RTKN2: variants seen among roughly 807,000 people sequenced by gnomAD.
RTKN2 encodes rhotekin-2.
RTKN2 carries 69 observed loss-of-function variants against 71.5 expected under a neutral mutation model. The ratio of observed to expected loss-of-function variants is 0.96; its 90% CI spans 0.79 to 1.18. The LOEUF (loss-of-function observed/expected upper bound fraction) is 1.18. Ranked by LOEUF, RTKN2 falls within the 50% of genes most tolerant of loss-of-function variation. RTKN2 has a pLI of 0.00. For missense variants in RTKN2, 724 were observed against 719.7 expected (o/e 1.01, Z -0.07); for synonymous variants, 236 against 236.5 (o/e 1.00, Z 0.02).
intron 2 of RTKN2, among the ~76,000 whole-genome samples, chr10:62,250,569 T>C (rs1842561710): frequency 6.6e-6 from 1 of 152,200 alleles, no homozygotes; most frequent in South Asian, 2.1e-4. Context: ...TTGTCCAGAG[T>C]AAACTGCAGT....
intron 10 of RTKN2, among the ~76,000 whole-genome samples, chr10:62,201,070 A>G (rs76336438): frequency 6.6e-6 from 1 of 152,142 alleles, no homozygotes; most frequent in African/African-American, 2.4e-5. Context: ...GCTAGTTCCT[A>G]CGTATCTGTA....
chr10:62,191,386 C>A (rs1225380323), downstream of RTKN2, among the ~76,000 whole-genome samples: 1 of 152,208 alleles, frequency 6.6e-6, no homozygotes. Flanking sequence ...CTCCAGCAAT[C>A]TGCCTGCCTT....
intron 1 of RTKN2, among the ~76,000 whole-genome samples, chr10:62,263,750 C>A (rs1468486682): frequency 6.6e-6 from 1 of 152,116 alleles, no homozygotes; most frequent in African/African-American, 2.4e-5. Context: ...ATGTCAGAAG[C>A]CTTAGCTATC....
At chr10:62,241,256 T>C in intron 3 of RTKN2, 61 bp from the exon 4 acceptor site, 1 of 961,966 alleles carries the variant, frequency 1.0e-6, no homozygotes. Flanking sequence ...TTCTTTACAG[T>C]GACCTGAACC....
At chr10:62,223,911 C>T (rs1322792141) in intron 6 of RTKN2, among the ~76,000 whole-genome samples, 1 of 152,006 alleles carries the variant, frequency 6.6e-6, no homozygotes, top group Non-Finnish European at 1.5e-5. Context: ...GTAGAAGAAA[C>T]CCAAGTGTCT....
chr10:62,223,957 G>GGT (rs1057254700), intron 6 of RTKN2, among the ~76,000 whole-genome samples: 15 of 75,146 alleles, frequency 2.0e-4, no homozygotes, highest in East Asian at 2.0e-3. Context: ...ATGTGGGGTA[G>GGT]GTGTGTGTGT....
chr10:62,195,752 T>C lies in RTKN2; in HGVS notation c.*2156A>G. 1.0e-6 allele frequency: 1 copy of C among 985,316 alleles called. No individual in the cohort carries two copies. The highest frequency in any genetic ancestry group is 1.2e-6 in the Non-Finnish European group (1 of 829,918). The allele number at this position is 985,316 out of a possible 1,614,324, so 61.0% of individuals were successfully genotyped here. ...AGGAGCTGAAGACACCAGACCCATTTCAAAGACTTGTAACATACAGTAAGC... is the reference window on the plus strand; with the variant it reads ...AGGAGCTGAAGACACCAGACCCATTCCAAAGACTTGTAACATACAGTAAGC... On this transcript the variant is annotated 3_prime_UTR_variant, in exon 12 of 12. Coordinates refer to ENST00000373789, the MANE Select transcript of RTKN2 (RefSeq NM_145307.4).
chr10:62,215,963 T>C (rs999619067), intron 9 of RTKN2, among the ~76,000 whole-genome samples: 1 of 152,024 alleles, frequency 6.6e-6, no homozygotes, highest in Admixed American at 6.6e-5. Context: ...TGATGTATTA[T>C]GTCCTTGATT....
chr10:62,241,252 A>T, intron 3 of RTKN2, 57 bp from the exon 4 acceptor site: 1 of 1,020,538 alleles, frequency 9.8e-7, no homozygotes, highest in South Asian at 1.4e-5. Flanking sequence ...TTTATTCTTT[A>T]CAGTGACCTG....
intron 2 of RTKN2, among the ~76,000 whole-genome samples, chr10:62,260,028 AT>A (rs985153219): frequency 1.3e-5 from 2 of 152,146 alleles, no homozygotes; most frequent in Non-Finnish European, 2.9e-5. Context: ...GTCTATACTT[AT>A]TTTTTGACAT....
intron 8 of RTKN2, among the ~76,000 whole-genome samples, chr10:62,184,846 A>C (rs1841109590): frequency 6.6e-6 from 1 of 152,348 alleles, no homozygotes; most frequent in South Asian, 2.1e-4. Context: ...CTAAGTAAAG[A>C]AAAAAACAGG....
chr10:62,217,980 C>T (rs1029768251), intron 8 of RTKN2, among the ~76,000 whole-genome samples: 9 of 152,082 alleles, frequency 5.9e-5, no homozygotes, highest in East Asian at 1.9e-4. Context: ...GGAGAGGTAG[C>T]GCCTTAGCCA....
chr10:62,224,039 T>C (rs1564511943), intron 6 of RTKN2, among the ~76,000 whole-genome samples: 1 of 152,164 alleles, frequency 6.6e-6, no homozygotes. Flanking sequence ...AATTCTGACA[T>C]ACTACGACAT....
chr10:62,249,378 G>C (rs907535536), intron 2 of RTKN2, among the ~76,000 whole-genome samples: 3 of 151,468 alleles, frequency 2.0e-5, no homozygotes, highest in Non-Finnish European at 4.4e-5. Flanking sequence ...AGGGGTTGCG[G>C]GGTTGGGGGG....
intron 9 of RTKN2, among the ~76,000 whole-genome samples, chr10:62,208,857 T>C (rs181022412): frequency 1.5e-3 from 230 of 152,320 alleles, no homozygotes; most frequent in African/African-American, 5.1e-3. Context: ...TCATCAGTGG[T>C]TGTTAAGATG....
intron 5 of RTKN2, 163 bp downstream of exon 5, chr10:62,239,485 G>A: frequency 4.6e-6 from 2 of 431,534 alleles, no homozygotes; most frequent in Non-Finnish European, 8.2e-6. Flanking sequence ...TAGAGAAATG[G>A]ACTTCTTCTG....
intron 5 of RTKN2, among the ~76,000 whole-genome samples, chr10:62,237,234 C>T (rs746787949): frequency 6.6e-6 from 1 of 151,702 alleles, no homozygotes; most frequent in Non-Finnish European, 1.5e-5. Context: ...CTCAAATATA[C>T]ACAATAAAAT....
intron 8 of RTKN2, 30 bp from the exon 9 acceptor site, chr10:62,217,279 C>CAGA: frequency 7.0e-7 from 1 of 1,434,784 alleles, no homozygotes; most frequent in Non-Finnish European, 9.4e-7. Flanking sequence ...AATCAAGAGA[C>CAGA]TATCAATTTT....
chr10:62,249,189 G>A (rs1362499841), intron 2 of RTKN2, among the ~76,000 whole-genome samples: 1 of 152,140 alleles, frequency 6.6e-6, no homozygotes, highest in Non-Finnish European at 1.5e-5. Context: ...ACTGGAGGAT[G>A]AGAGAGTAGG....
Sources: allele counts gnomAD v4.1 joint callset (sites outside exome capture counted in the v4.1 genomes callset), GRCh38; gene constraint gnomAD v4.1.1; transcripts MANE v1.5; gene names NCBI Gene and HGNC (gene_info 2026-07-23, HGNC 2026-07-21).